Variants in DLGAP2 observed in about 807,000 individuals in gnomAD.
DLGAP2 encodes the protein DLG associated protein 2.
Under a neutral mutation model 100.3 loss-of-function variants are expected in DLGAP2, and 26 were observed. The ratio of observed to expected loss-of-function variants is 0.26; its 90% CI spans 0.19 to 0.36. DLGAP2 has a LOEUF of 0.36. Among genes scored for constraint, DLGAP2 ranks in the 10% least tolerant of loss-of-function variants. The pLI is 1.00. For missense variants in DLGAP2, 1,858 were observed against 1,453.2 expected (o/e 1.28, Z -4.53); for synonymous variants, 886 against 630.1 (o/e 1.41, Z -6.08).
chr8:1,096,058 C>A (rs1035657110), intron 2 of DLGAP2, among the ~76,000 whole-genome samples: 1 of 152,146 alleles, frequency 6.6e-6, no homozygotes, highest in Non-Finnish European at 1.5e-5. Flanking sequence ...TTGTTCAAAA[C>A]GTTTGTTTGT....
intron 7 of DLGAP2, among the ~76,000 whole-genome samples, chr8:1,629,576 T>A (rs975575193): frequency 1.1e-4 from 16 of 152,230 alleles, no homozygotes; most frequent in African/African-American, 3.4e-4. Context: ...TGAAAGTCAG[T>A]GATACATTTT....
rs145755142 is a variant in DLGAP2, at chr8:1,702,782, C to G, written c.*1376C>G. 6.6e-6 allele frequency: 1 copy of G among 152,376 alleles called. No homozygotes were observed. The highest frequency in any genetic ancestry group is 1.5e-5 in the Non-Finnish European group (1 of 68,040). 9.4% of individuals were successfully genotyped at this position (152,376 alleles called of 1,614,324 possible). A position where few individuals can be genotyped will look rare whatever the true frequency, so the allele number is the denominator to read the frequency against. The stretch of plus-strand genomic sequence containing the variant: ...TTCAGACCGGTCTTCAAAGGAAAAG[C>G]CTGTCCGATTTTTCCATGGGTTCCA... On this transcript the variant is annotated 3_prime_UTR_variant, in exon 15 of 15. Transcript: ENST00000637795.
intron 3 of DLGAP2, among the ~76,000 whole-genome samples, chr8:1,496,314 C>T (rs116597236): frequency 0.016 from 2,370 of 152,124 alleles, 51 homozygotes; most frequent in African/African-American, 0.053. Context: ...GTGGGGGCGC[C>T]GAGAGGAGTG....
chr8:1,274,353 G>A (rs73170406), intron 3 of DLGAP2, among the ~76,000 whole-genome samples: 4,170 of 152,066 alleles, frequency 0.027, 79 homozygotes, highest in African/African-American at 0.055. Context: ...AAGCCAGCAC[G>A]TATAAGAAAA....
At position 990,353 on chromosome 8, in the gene DLGAP2, CTCCTTGCCCGG is replaced by C. The variant is rs1563131835; in HGVS notation, c.73+82388_73+82398del. 7.0e-3 allele frequency among the ~76,000 whole-genome samples: 975 copies of C among 138,814 alleles called. 26 individuals carry two copies. Among genetic ancestry groups the C allele is most frequent in the East Asian group, 0.013 (61 of 4,660 alleles). The allele number at this position is 138,814 out of a possible 152,430, so 91.1% of individuals were successfully genotyped here. A position where few individuals can be genotyped will look rare whatever the true frequency, so the allele number is the denominator to read the frequency against. ...ACTCGGAGTTCCTGTTCTTCTCTCC[CTCCTTGCCCGG>C]ACCCCCTGCACCCCCATACTCGGAG... On this transcript the variant is annotated intron_variant, in intron 2 of 14. Coordinates refer to ENST00000637795, the MANE Select transcript of DLGAP2 (RefSeq NM_001346810.2).
intron 3 of DLGAP2, among the ~76,000 whole-genome samples, chr8:1,442,514 C>A (rs1006774363): frequency 6.8e-6 from 1 of 147,074 alleles, no homozygotes; most frequent in Non-Finnish European, 1.5e-5. Context: ...GGGCATAGAC[C>A]CGCCAGGCTG....
At chr8:923,788 A>C (rs1227917730) in intron 2 of DLGAP2, among the ~76,000 whole-genome samples, 1 of 152,198 alleles carries the variant, frequency 6.6e-6, no homozygotes, top group Non-Finnish European at 1.5e-5. Flanking sequence ...AATTAAGGGA[A>C]AATGTCTCAG....
At chr8:1,700,863 G>A (rs934495811) in intron 14 of DLGAP2, among the ~76,000 whole-genome samples, 1 of 152,226 alleles carries the variant, frequency 6.6e-6, no homozygotes, top group Non-Finnish European at 1.5e-5. Flanking sequence ...GCAGGAATCG[G>A]GCGACAATGT....
chr8:1,218,744 A>G (rs142772545), intron 2 of DLGAP2, among the ~76,000 whole-genome samples: 502 of 152,268 alleles, frequency 3.3e-3, no homozygotes, highest in Non-Finnish European at 5.5e-3. Context: ...TACAATATTG[A>G]TTCTTCATAA....
At position 1,273,270 on chromosome 8, in the gene DLGAP2, C is replaced by T. The variant is rs1408666238; in HGVS notation, c.106+14387C>T. On this transcript the variant is annotated intron_variant, in intron 3 of 14. Coordinates refer to ENST00000637795, the MANE Select transcript of DLGAP2 (RefSeq NM_001346810.2). Reference sequence around the variant, plus strand: ...ACTTGGGTGTGGAAAGAGGTGGGAGCAGTAGGAAGTCCGGGAGCCACGTGG... The same window carrying T: ...ACTTGGGTGTGGAAAGAGGTGGGAGTAGTAGGAAGTCCGGGAGCCACGTGG... Among the ~76,000 whole-genome samples, 3 of 152,070 alleles carry T rather than the reference C, an allele frequency of 2.0e-5. No individual in the cohort carries two copies. In the East Asian group the frequency reaches 5.8e-4, roughly 29 times the overall value.
At position 1,173,917 on chromosome 8, in the gene DLGAP2, G is replaced by C. The variant is rs1246215589; in HGVS notation, c.74-84934G>C. 2.0e-5 allele frequency among the ~76,000 whole-genome samples: 3 copies of C among 152,178 alleles called. No individual in the cohort carries two copies. In the South Asian group the frequency reaches 6.2e-4, roughly 32 times the overall value. On this transcript the variant is annotated intron_variant, in intron 2 of 14. Coordinates refer to ENST00000637795, the MANE Select transcript of DLGAP2 (RefSeq NM_001346810.2). ...CTGCGCCCACCTCTGGCACTCCCTA[G>C]TGAGATGAACCTGGTACCTCAGATG...
intron 2 of DLGAP2, among the ~76,000 whole-genome samples, chr8:1,234,235 A>G (rs913821100): frequency 6.6e-6 from 1 of 152,164 alleles, no homozygotes; most frequent in East Asian, 1.9e-4. Context: ...CAGTGGCACA[A>G]CCCTGAGTGG....
At chr8:1,216,016 C>T (rs117062609) in intron 2 of DLGAP2, among the ~76,000 whole-genome samples, 1,716 of 152,278 alleles carry the variant, frequency 0.011, 14 homozygotes, top group Middle Eastern at 0.024. Flanking sequence ...GACGTCTAGG[C>T]TCATGCAGTG....
intron 3 of DLGAP2, among the ~76,000 whole-genome samples, chr8:1,465,425 A>G (rs947019662): frequency 1.3e-5 from 2 of 151,364 alleles, no homozygotes; most frequent in African/African-American, 4.9e-5. Flanking sequence ...AGATGAAGAG[A>G]TGAGCAGAGG....
intron 1 of DLGAP2, among the ~76,000 whole-genome samples, chr8:822,556 G>A (rs2132688038): frequency 1.3e-5 from 2 of 152,366 alleles, no homozygotes; most frequent in Middle Eastern, 3.4e-3. Flanking sequence ...GAGAGTAGGA[G>A]CAGGGCCACG....
intron 2 of DLGAP2, among the ~76,000 whole-genome samples, chr8:976,296 C>A (rs1357823684): frequency 6.6e-6 from 1 of 152,058 alleles, no homozygotes; most frequent in Non-Finnish European, 1.5e-5. Context: ...GCCAATAGAA[C>A]ACAATGGAAA....
intron 4 of DLGAP2, among the ~76,000 whole-genome samples, chr8:1,513,855 T>A (rs191541297): frequency 1.1e-5 from 1 of 88,414 alleles, no homozygotes; most frequent in Non-Finnish European, 2.6e-5. Flanking sequence ...TTCCAGACAA[T>A]GGCGGTCGAA....
At chr8:1,237,871 C>T (rs1162737077) in intron 2 of DLGAP2, among the ~76,000 whole-genome samples, 4 of 11,436 alleles carry the variant, frequency 3.5e-4, no homozygotes, top group African/African-American at 3.3e-3. Context: ...TCACATGGCG[C>T]CGTGTCTAGT....
intron 8 of DLGAP2, among the ~76,000 whole-genome samples, chr8:1,636,696 C>T (rs369160227): frequency 2.6e-5 from 4 of 152,184 alleles, no homozygotes; most frequent in East Asian, 1.9e-4. Flanking sequence ...AAATTTTCAT[C>T]GTGGACTAAA....
Sources: allele counts gnomAD v4.1 joint callset (sites outside exome capture counted in the v4.1 genomes callset), GRCh38; gene constraint gnomAD v4.1.1; transcripts MANE v1.5; gene names NCBI Gene and HGNC (gene_info 2026-07-23, HGNC 2026-07-21).